Variants in CSMD3 observed in about 807,000 individuals in gnomAD.
CSMD3 encodes the protein CUB and sushi domain-containing protein 3.
Under a neutral mutation model 435.2 loss-of-function variants are expected in CSMD3, and 177 were observed. That is an observed-to-expected ratio of 0.41 (90% CI 0.36 to 0.46). CSMD3 has a LOEUF of 0.46. CSMD3 is among the 20% of genes least tolerant of loss of function. The pLI is 0.34. For synonymous variants in CSMD3, 1,656 were observed against 1,520.5 expected (o/e 1.09, Z -2.07); for missense variants, 4,265 against 4,504.6 (o/e 0.95, Z 1.52).
intron 1 of CSMD3, among the ~76,000 whole-genome samples, chr8:113,354,941 CAG>C (rs1486207919): frequency 6.6e-6 from 1 of 152,136 alleles, no homozygotes; most frequent in African/African-American, 2.4e-5. Context: ...GCCCAACCAA[CAG>C]AGACAAATGT....
intron 24 of CSMD3, among the ~76,000 whole-genome samples, chr8:112,567,790 T>G (rs1829178561): frequency 6.6e-6 from 1 of 152,130 alleles, no homozygotes; most frequent in Non-Finnish European, 1.5e-5. Flanking sequence ...TATTGTGATC[T>G]CAATTTCTGA....
chr8:112,539,504 C>G (rs559153071), intron 27 of CSMD3, among the ~76,000 whole-genome samples: 7 of 152,158 alleles, frequency 4.6e-5, no homozygotes, highest in African/African-American at 1.4e-4. Context: ...TGGCATCAAG[C>G]TATCTGGCTT....
chr8:112,715,561 C>A (rs1348229402), intron 13 of CSMD3, among the ~76,000 whole-genome samples: 1 of 152,158 alleles, frequency 6.6e-6, no homozygotes, highest in East Asian at 1.9e-4. Flanking sequence ...AGTCTCCTCC[C>A]TAATGCATTT....
chr8:112,746,950 T>C (rs1273840791), intron 13 of CSMD3, among the ~76,000 whole-genome samples: 2 of 152,118 alleles, frequency 1.3e-5, no homozygotes, highest in Admixed American at 6.5e-5. Flanking sequence ...GTAGACATTC[T>C]ACCCAAGAAC....
chr8:113,234,372 C>T (rs1019615284), intron 3 of CSMD3, among the ~76,000 whole-genome samples: 1 of 152,084 alleles, frequency 6.6e-6, no homozygotes, highest in Non-Finnish European at 1.5e-5. Context: ...TCAGCCTGCA[C>T]AATAGATATC....
chr8:113,389,125 T>G (rs1031403823), intron 1 of CSMD3, among the ~76,000 whole-genome samples: 1 of 151,672 alleles, frequency 6.6e-6, no homozygotes, highest in Non-Finnish European at 1.5e-5. Flanking sequence ...CTCAGTATGA[T>G]GAAAATCTAC....
intron 5 of CSMD3, among the ~76,000 whole-genome samples, chr8:113,071,227 A>G (rs563423114): frequency 2.0e-5 from 3 of 152,118 alleles, no homozygotes; most frequent in South Asian, 4.2e-4. Context: ...TATTTTGGAT[A>G]GTAACCCTTT....
intron 2 of CSMD3, among the ~76,000 whole-genome samples, chr8:113,308,299 C>T (rs1588486699): frequency 9.8e-6 from 1 of 101,552 alleles, no homozygotes; most frequent in Non-Finnish European, 1.7e-5. Flanking sequence ...GATGGAGTCT[C>T]GCTCCGTCAC....
At chr8:112,726,163 A>G (rs1031845266) in intron 13 of CSMD3, among the ~76,000 whole-genome samples, 4 of 152,008 alleles carry the variant, frequency 2.6e-5, no homozygotes, top group Non-Finnish European at 5.9e-5. Flanking sequence ...AACCAATCCT[A>G]TGATTCAATT....
intron 18 of CSMD3, 73 bp downstream of exon 18, chr8:112,656,081 T>C (rs2075250165): frequency 1.3e-6 from 1 of 794,968 alleles, no homozygotes; most frequent in African/African-American, 1.7e-5. Flanking sequence ...AATAGTTCCA[T>C]TAGTAAAACT....
chr8:113,354,457 G>A (rs2094208581), intron 1 of CSMD3, among the ~76,000 whole-genome samples: 1 of 152,064 alleles, frequency 6.6e-6, no homozygotes, highest in South Asian at 2.1e-4. Context: ...TCCTGAAAAA[G>A]GAGTACAGAC....
chr8:113,355,033 A>C (rs895457652), intron 1 of CSMD3, among the ~76,000 whole-genome samples: 2 of 152,220 alleles, frequency 1.3e-5, no homozygotes, highest in Non-Finnish European at 2.9e-5. Context: ...TATTATTTTC[A>C]GCATTTCACA....
At chr8:112,897,950 T>C (rs1219792486) in intron 10 of CSMD3, among the ~76,000 whole-genome samples, 1 of 151,266 alleles carries the variant, frequency 6.6e-6, no homozygotes, top group African/African-American at 2.4e-5. Context: ...TTTTTAATGA[T>C]TTATTCACAA....
intron 32 of CSMD3, among the ~76,000 whole-genome samples, chr8:112,437,016 G>A (rs896104366): frequency 1.3e-5 from 2 of 151,918 alleles, no homozygotes; most frequent in African/African-American, 2.4e-5. Context: ...GCTAAAAGAC[G>A]GGTTCTTATT....
At chr8:113,204,609 TGA>T (rs2092750795) in intron 3 of CSMD3, among the ~76,000 whole-genome samples, 2 of 152,162 alleles carry the variant, frequency 1.3e-5, no homozygotes, top group Non-Finnish European at 2.9e-5. Context: ...ACTCATTCAG[TGA>T]CTCAGCCAGA....
At chr8:113,031,287 T>A (rs2087098545) in intron 5 of CSMD3, among the ~76,000 whole-genome samples, 1 of 151,620 alleles carries the variant, frequency 6.6e-6, no homozygotes, top group Non-Finnish European at 1.5e-5. Flanking sequence ...CTGTAGCATA[T>A]CCATATCATG....
At chr8:112,225,786 C>T (rs1812501193) in intron 70 of CSMD3, among the ~76,000 whole-genome samples, 2 of 152,164 alleles carry the variant, frequency 1.3e-5, no homozygotes, top group African/African-American at 4.8e-5. Context: ...TAAAGGACTA[C>T]TAACAATTAG....
chr8:112,225,882 G>A (rs560551781), intron 70 of CSMD3, among the ~76,000 whole-genome samples: 8 of 152,036 alleles, frequency 5.3e-5, no homozygotes, highest in Non-Finnish European at 8.8e-5. Context: ...TTCCACCTTT[G>A]ACTAATGCTA....
At chr8:112,622,156 C>T (rs1184239513) in intron 22 of CSMD3, among the ~76,000 whole-genome samples, 1 of 152,094 alleles carries the variant, frequency 6.6e-6, no homozygotes, top group African/African-American at 2.4e-5. Context: ...TAGGGAATAC[C>T]CGTTTCTGCA....
Sources: allele counts gnomAD v4.1 joint callset (sites outside exome capture counted in the v4.1 genomes callset), GRCh38; gene constraint gnomAD v4.1.1; transcripts MANE v1.5; gene names NCBI Gene and HGNC (gene_info 2026-07-23, HGNC 2026-07-21).